BRD10: variants seen among roughly 807,000 people sequenced by gnomAD.
BRD10 encodes the protein bromodomain containing 10.
At chr9:5,879,873 C>A in the BRD10 span, among the ~76,000 whole-genome samples, 4 of 152,148 alleles carry the variant, frequency 2.6e-5, no homozygotes, top group Non-Finnish European at 5.9e-5. Flanking sequence ...GATAATAAGT[C>A]AGTTCTACTG....
chr9:5,991,719 TG>T, the BRD10 span, among the ~76,000 whole-genome samples: 1 of 133,426 alleles, frequency 7.5e-6, no homozygotes, highest in African/African-American at 3.1e-5. Flanking sequence ...AGAAAGACTC[TG>T]TCTTAAAAAA....
the BRD10 span, among the ~76,000 whole-genome samples, chr9:5,987,468 C>T: frequency 6.6e-6 from 1 of 152,074 alleles, no homozygotes; most frequent in Non-Finnish European, 1.5e-5. Context: ...ATAAGCCCTC[C>T]TTTCCTATAG....
At chr9:5,924,144 A>C in the BRD10 span, among the ~76,000 whole-genome samples, 14 of 152,202 alleles carry the variant, frequency 9.2e-5, no homozygotes, top group Non-Finnish European at 1.5e-4. Flanking sequence ...AAAAATACTA[A>C]TAATAAAAAG....
At chr9:5,920,635 C>G in the BRD10 span, 8 of 1,613,880 alleles carry the variant, frequency 5.0e-6, no homozygotes, top group Admixed American at 8.3e-5. Context: ...GTGAATGGAA[C>G]TGGAGTGAAG....
the BRD10 span, chr9:5,921,911 G>T: frequency 6.2e-7 from 1 of 1,613,964 alleles, no homozygotes; most frequent in Non-Finnish European, 8.5e-7. Context: ...CATGGATGGG[G>T]CAAAGCTAGC....
At chr9:5,948,699 A>G in the BRD10 span, among the ~76,000 whole-genome samples, 1 of 152,170 alleles carries the variant, frequency 6.6e-6, no homozygotes, top group Non-Finnish European at 1.5e-5. Context: ...AAAGCAAAGC[A>G]AAAGGAAAAC....
chr9:6,007,072 T>C, the BRD10 span: 1 of 993,272 alleles, frequency 1.0e-6, no homozygotes, highest in South Asian at 1.6e-5. Flanking sequence ...CCCGGGCTTC[T>C]CCAGCACCGA....
At chr9:5,930,369 T>TTTTATATATATATATATA in the BRD10 span, among the ~76,000 whole-genome samples, 1,265 of 135,174 alleles carry the variant, frequency 9.4e-3, 30 homozygotes, top group African/African-American at 0.028. Context: ...TATAAGGAGA[T>TTTTATATATATATATATA]TATATATATA....
chr9:5,974,204 T>G, the BRD10 span, among the ~76,000 whole-genome samples: 1 of 152,192 alleles, frequency 6.6e-6, no homozygotes, highest in African/African-American at 2.4e-5. Flanking sequence ...AGCAACAAAA[T>G]AAACCAGAAA....
At chr9:5,973,103 T>C in the BRD10 span, among the ~76,000 whole-genome samples, 1 of 152,216 alleles carries the variant, frequency 6.6e-6, no homozygotes, top group African/African-American at 2.4e-5. Context: ...TTAATTTACA[T>C]AGATATGGCA....
At chr9:5,970,711 T>C in the BRD10 span, among the ~76,000 whole-genome samples, 1 of 152,150 alleles carries the variant, frequency 6.6e-6, no homozygotes, top group Admixed American at 6.5e-5. Context: ...ATAGAATATA[T>C]AATAGATACT....
chr9:5,993,331 A>AC, the BRD10 span, among the ~76,000 whole-genome samples: 1 of 117,898 alleles, frequency 8.5e-6, no homozygotes, highest in African/African-American at 2.8e-5. Context: ...AAAAAAAAAA[A>AC]AAAAACAACT....
the BRD10 span, chr9:5,922,371 C>T: frequency 6.2e-7 from 1 of 1,613,962 alleles, no homozygotes; most frequent in South Asian, 1.1e-5. Flanking sequence ...TTGGCTTTTC[C>T]TGCCTCACTC....
the BRD10 span, among the ~76,000 whole-genome samples, chr9:5,942,263 T>C: frequency 6.6e-6 from 1 of 152,160 alleles, no homozygotes; most frequent in South Asian, 2.1e-4. Flanking sequence ...AAAGAAAAGG[T>C]TAAATTGTGT....
chr9:5,892,288 A>G, the BRD10 span, among the ~76,000 whole-genome samples: 1 of 152,234 alleles, frequency 6.6e-6, no homozygotes, highest in Admixed American at 6.5e-5. Flanking sequence ...AGCCCTTGAT[A>G]TGAATGAAAG....
At chr9:5,921,061 A>G in the BRD10 span, 13 of 1,613,858 alleles carry the variant, frequency 8.1e-6, no homozygotes, top group Non-Finnish European at 1.1e-5. Flanking sequence ...CTCTTGCTGA[A>G]GAAACCACTG....
At chr9:5,963,904 T>G in the BRD10 span, among the ~76,000 whole-genome samples, 11 of 151,194 alleles carry the variant, frequency 7.3e-5, no homozygotes, top group Non-Finnish European at 1.2e-4. Context: ...AAAAATCAAT[T>G]CAAGATGGAT....
the BRD10 span, among the ~76,000 whole-genome samples, chr9:5,947,534 G>T: frequency 6.6e-6 from 1 of 151,970 alleles, no homozygotes; most frequent in African/African-American, 2.4e-5. Flanking sequence ...ATATTAAAAT[G>T]ACGTTAATAG....
chr9:5,910,052 A>G, the BRD10 span: 3 of 152,228 alleles, frequency 2.0e-5, no homozygotes, highest in Non-Finnish European at 4.4e-5. Flanking sequence ...AACCTAAGAA[A>G]ATACTAATGG....
Sources: allele counts gnomAD v4.1 joint callset (sites outside exome capture counted in the v4.1 genomes callset), GRCh38; gene constraint gnomAD v4.1.1; transcripts MANE v1.5; gene names NCBI Gene and HGNC (gene_info 2026-07-23, HGNC 2026-07-21).